Variants in UNC13C observed in about 807,000 individuals in gnomAD.
UNC13C encodes the protein protein unc-13 homolog C.
UNC13C carries 174 observed loss-of-function variants against 245.4 expected under a neutral mutation model. The ratio of observed to expected loss-of-function variants is 0.71; its 90% confidence interval spans 0.63 to 0.80. The LOEUF (loss-of-function observed/expected upper bound fraction) is 0.80, where lower values mean the gene tolerates loss of function less well. UNC13C is among the 30% of genes least tolerant of loss of function. The probability of loss-of-function intolerance (pLI) is 0.00; values close to 1 mark genes in which losing one functional copy is unlikely to be tolerated. For synonymous variants in UNC13C, 992 were observed against 895.1 expected (o/e 1.11, Z -1.93); for missense variants, 2,829 against 2,602.9 (o/e 1.09, Z -1.89).
At chr15:54,133,246 G>T (rs4774686) in intron 2 of UNC13C, among the ~76,000 whole-genome samples, 55,783 of 151,814 alleles carry the variant, frequency 0.37, 10,321 homozygotes, top group Admixed American at 0.39. Context: ...ACATGTTTCC[G>T]TAGATTACGT....
downstream of UNC13C, chr15:54,633,295 A>T (rs1901490995): frequency 6.6e-6 from 1 of 152,168 alleles, no homozygotes; most frequent in Admixed American, 6.5e-5. Flanking sequence ...GTCTCCACTT[A>T]TTTACATCTT....
intron 30 of UNC13C, among the ~76,000 whole-genome samples, chr15:54,574,682 A>G (rs564944982): frequency 3.0e-4 from 45 of 152,326 alleles, no homozygotes; most frequent in African/African-American, 1.1e-3. Context: ...CCATAAAAAT[A>G]TTAATAGTTA....
Position 54,013,780 on chromosome 15 carries a change from A to G in UNC13C, c.877A>G (p.Thr293Ala), listed in dbSNP as rs767208811. The change falls in exon 2 of 33, where the codon ACA (threonine) becomes GCA (alanine). Residue 293 changes from threonine (T) to alanine (A), a missense_variant. Transcript: ENST00000260323. ...VVQSEIEQLR[T>A]GFVQSRRETR... ...ACAAAGTGAAATTGAGCAGTTGCGC[A>G]CAGGGTTTGTCCAGTCTCGGAGGGA... 1.9e-6 allele frequency: 3 copies of G among 1,611,356 alleles called. No homozygotes were observed. Among genetic ancestry groups the G allele is most frequent in the South Asian group, 1.1e-5 (1 of 90,834 alleles).
intron 24 of UNC13C, among the ~76,000 whole-genome samples, 180 bp from the exon 25 acceptor site, chr15:54,525,369 T>A (rs1020559555): frequency 1.3e-5 from 2 of 151,654 alleles, no homozygotes; most frequent in Non-Finnish European, 1.5e-5. Context: ...AACCCCTTGG[T>A]TTCTTTAAAG....
chr15:54,148,738 C>T (rs2032387372), intron 4 of UNC13C, among the ~76,000 whole-genome samples: 1 of 152,144 alleles, frequency 6.6e-6, no homozygotes, highest in African/African-American at 2.4e-5. Flanking sequence ...AGATAACTTC[C>T]CTATTTCTCA....
At chr15:54,470,967 A>G (rs1030597014) in intron 19 of UNC13C, among the ~76,000 whole-genome samples, 1 of 151,084 alleles carries the variant, frequency 6.6e-6, no homozygotes, top group Non-Finnish European at 1.5e-5. Flanking sequence ...TTTTAACCCT[A>G]TAGTTTTTTA....
At chr15:54,531,560 C>A (rs1017238430) in intron 25 of UNC13C, among the ~76,000 whole-genome samples, 1 of 151,868 alleles carries the variant, frequency 6.6e-6, no homozygotes, top group Non-Finnish European at 1.5e-5. Context: ...AAGGAGCAGC[C>A]TGTGAGGTCA....
At chr15:54,143,867 A>G (rs536005164) in intron 4 of UNC13C, among the ~76,000 whole-genome samples, 183 bp downstream of exon 4, 22 of 150,268 alleles carry the variant, frequency 1.5e-4, no homozygotes, top group African/African-American at 5.1e-4. Flanking sequence ...TAACTATAAA[A>G]CAATTCTAAA....
chr15:53,862,044 A>C, the UNC13C span, among the ~76,000 whole-genome samples: 151 of 152,226 alleles, frequency 9.9e-4, no homozygotes, highest in African/African-American at 3.5e-3. Flanking sequence ...AATACCATAG[A>C]CTGGGTAGCT....
At chr15:54,606,187 A>G (rs781282054) in intron 30 of UNC13C, among the ~76,000 whole-genome samples, 14 of 152,196 alleles carry the variant, frequency 9.2e-5, no homozygotes, top group Non-Finnish European at 1.5e-4. Flanking sequence ...CTTAGATTCT[A>G]TATTACATTT....
At chr15:54,062,323 C>CAAA (rs539952952) in intron 2 of UNC13C, among the ~76,000 whole-genome samples, 3 of 114,390 alleles carry the variant, frequency 2.6e-5, no homozygotes, top group South Asian at 5.9e-4. Context: ...AACTCAGTCT[C>CAAA]AAAAAAAAAA....
intron 2 of UNC13C, among the ~76,000 whole-genome samples, chr15:54,054,479 T>C (rs1897412335): frequency 6.6e-6 from 1 of 152,206 alleles, no homozygotes; most frequent in Non-Finnish European, 1.5e-5. Context: ...GAATTAAATG[T>C]TATGAATCTA....
At position 54,475,464 on chromosome 15, in the gene UNC13C, C is replaced by G. The variant is rs532406547; in HGVS notation, c.4934-19144C>G. On this transcript the variant is annotated intron_variant, in intron 19 of 32. Coordinates refer to ENST00000260323, the MANE Select transcript of UNC13C (RefSeq NM_001080534.3). ...TAATGCTATCCCTCCCCTCTCCCCC[C>G]ACCCCACAACAGTCCCCAGACTGTG... 6.7e-4 allele frequency among the ~76,000 whole-genome samples: 101 copies of G among 151,856 alleles called. No individual in the cohort carries two copies. The Middle Eastern group carries it at 0.014, about 21-fold the overall frequency.
chr15:54,585,847 GGGACTTTACA>G (rs557067853), intron 30 of UNC13C, among the ~76,000 whole-genome samples: 220 of 152,246 alleles, frequency 1.4e-3, no homozygotes, highest in African/African-American at 4.0e-3. Context: ...TGTCCTCAAG[GGGACTTTACA>G]GCACCATTTG....
intron 4 of UNC13C, among the ~76,000 whole-genome samples, chr15:54,149,687 A>G (rs2032433803): frequency 6.6e-6 from 1 of 152,270 alleles, no homozygotes; most frequent in East Asian, 1.9e-4. Flanking sequence ...CTACCTAAAT[A>G]TTTTTAATGA....
At chr15:54,049,057 T>G in intron 2 of UNC13C, 2 of 385,134 alleles carry the variant, frequency 5.2e-6, no homozygotes, top group South Asian at 4.5e-5. Context: ...TAGATATCTC[T>G]ATTTTTATCA....
intron 10 of UNC13C, among the ~76,000 whole-genome samples, chr15:54,282,356 G>C (rs2037019802): frequency 6.6e-6 from 1 of 152,130 alleles, no homozygotes; most frequent in Non-Finnish European, 1.5e-5. Flanking sequence ...CGCCAGACTT[G>C]TAGAAGGGGC....
chr15:54,569,714 T>TTCTAATAAC (rs1897668334), intron 30 of UNC13C, among the ~76,000 whole-genome samples: 1 of 152,138 alleles, frequency 6.6e-6, no homozygotes, highest in Non-Finnish European at 1.5e-5. Context: ...GGATTCTTAA[T>TTCTAATAAC]TCTAATAACT....
At chr15:54,408,738 G>A (rs1022950260) in intron 18 of UNC13C, among the ~76,000 whole-genome samples, 2 of 152,098 alleles carry the variant, frequency 1.3e-5, no homozygotes, top group African/African-American at 4.8e-5. Context: ...TTTTCTTCCA[G>A]CTAATCTTTC....
Sources: gnomAD v4.1 joint callset for allele counts (sites outside exome capture counted in the v4.1 genomes callset) on GRCh38, gnomAD v4.1.1 for gene constraint, MANE v1.5 for transcripts, NCBI Gene and HGNC (gene_info 2026-07-23, HGNC 2026-07-21) for gene names.